Variants in PPP1CC observed in about 807,000 individuals in gnomAD.
PPP1CC encodes the protein serine/threonine-protein phosphatase PP1-gamma catalytic subunit.
A neutral mutation model predicts 38.4 loss-of-function variants in PPP1CC; 16 were observed. The observed-to-expected ratio is 0.42, with a 90% confidence interval of 0.28 to 0.63. PPP1CC has a LOEUF of 0.63. PPP1CC is among the 30% of genes least tolerant of loss of function. The pLI, the probability that PPP1CC is intolerant of heterozygous loss-of-function variation, is 0.25. For synonymous variants in PPP1CC, 158 were observed against 136.0 expected (o/e 1.16, Z -1.13); for missense variants, 170 against 391.3 (o/e 0.43, Z 4.77).
intron 3 of PPP1CC, among the ~76,000 whole-genome samples, chr12:110,728,122 A>G (rs7132651): frequency 0.78 from 118,619 of 152,194 alleles, 46,694 homozygotes; most frequent in African/African-American, 0.87. Flanking sequence ...AGAGCAGGCC[A>G]GGCACGGTGG....
At chr12:110,726,839 G>A (rs2069805207) in intron 3 of PPP1CC, among the ~76,000 whole-genome samples, 1 of 152,130 alleles carries the variant, frequency 6.6e-6, no homozygotes, top group Non-Finnish European at 1.5e-5. Flanking sequence ...CTAGTGCCAA[G>A]CATTCCCGGT....
At chr12:110,735,420 C>T (rs1200570161) in intron 1 of PPP1CC, among the ~76,000 whole-genome samples, 3 of 152,114 alleles carry the variant, frequency 2.0e-5, no homozygotes, top group Non-Finnish European at 2.9e-5. Flanking sequence ...GACACGAGGC[C>T]GCGATGCTAC....
intron 4 of PPP1CC, among the ~76,000 whole-genome samples, chr12:110,724,412 A>G (rs2069772453): frequency 6.6e-6 from 1 of 152,102 alleles, no homozygotes; most frequent in Admixed American, 6.6e-5. Context: ...AATAAAATAA[A>G]AATAAAAATT....
At chr12:110,732,456 A>G (rs544676420) in intron 1 of PPP1CC, 5 of 153,200 alleles carry the variant, frequency 3.3e-5, no homozygotes, top group African/African-American at 9.6e-5. Context: ...AAATACTCAG[A>G]ACCCTCCCCC....
the PPP1CC span, among the ~76,000 whole-genome samples, chr12:110,713,467 T>C: frequency 6.6e-6 from 1 of 152,080 alleles, no homozygotes; most frequent in African/African-American, 2.4e-5. Context: ...ATACTTGGAT[T>C]GAACTTCTTA....
the PPP1CC span, among the ~76,000 whole-genome samples, chr12:110,714,454 C>T: frequency 4.6e-5 from 7 of 151,976 alleles, no homozygotes; most frequent in Non-Finnish European, 8.8e-5. Flanking sequence ...CCATGTGAGT[C>T]TACGATCTGT....
At chr12:110,716,307 T>G (rs1314232619), downstream of PPP1CC, among the ~76,000 whole-genome samples, 3 of 152,176 alleles carry the variant, frequency 2.0e-5, no homozygotes, top group South Asian at 6.2e-4. Context: ...CTTGAACTTA[T>G]GTAGGTAAAA....
chr12:110,728,271 C>A (rs1252987414), intron 3 of PPP1CC, among the ~76,000 whole-genome samples: 3 of 151,488 alleles, frequency 2.0e-5, no homozygotes, highest in Non-Finnish European at 3.0e-5. Context: ...TAGTGGCGGG[C>A]GCCTGTAGTC....
intron 6 of PPP1CC, chr12:110,721,573 A>G (rs904892483): frequency 5.8e-6 from 1 of 171,496 alleles, no homozygotes. Context: ...ATTTTAATTC[A>G]TTTAACTGAT....
At chr12:110,709,190 A>G in the PPP1CC span, among the ~76,000 whole-genome samples, 2 of 152,226 alleles carry the variant, frequency 1.3e-5, no homozygotes, top group Non-Finnish European at 2.9e-5. Context: ...GAATAATCAG[A>G]TAGAACATAA....
chr12:110,709,810 G>C, the PPP1CC span, among the ~76,000 whole-genome samples: 9 of 151,840 alleles, frequency 5.9e-5, no homozygotes, highest in Admixed American at 4.6e-4. Context: ...GCCTCCCAAA[G>C]TGCTGGGATT....
At chr12:110,733,856 T>C (rs1475724814) in intron 1 of PPP1CC, among the ~76,000 whole-genome samples, 1 of 152,234 alleles carries the variant, frequency 6.6e-6, no homozygotes, top group Non-Finnish European at 1.5e-5. Context: ...AGAATGGTGC[T>C]TATGAAAAAC....
chr12:110,719,227 G>A (rs1340965177), downstream of PPP1CC, among the ~76,000 whole-genome samples: 1 of 152,088 alleles, frequency 6.6e-6, no homozygotes, highest in Admixed American at 6.6e-5. Flanking sequence ...TGTGGAGCAG[G>A]CAGGTAATGA....
intron 3 of PPP1CC, among the ~76,000 whole-genome samples, chr12:110,729,714 G>A (rs1261468467): frequency 6.6e-6 from 1 of 152,168 alleles, no homozygotes; most frequent in African/African-American, 2.4e-5. Context: ...TTTACGTATT[G>A]CAAGATTCCA....
chr12:110,717,736 A>T (rs936025950), downstream of PPP1CC, among the ~76,000 whole-genome samples: 1 of 152,148 alleles, frequency 6.6e-6, no homozygotes, highest in Non-Finnish European at 1.5e-5. Flanking sequence ...TGTCTTCTAT[A>T]GACCCAAACA....
chr12:110,729,027 A>G (rs1352769154), intron 3 of PPP1CC, among the ~76,000 whole-genome samples: 3 of 152,164 alleles, frequency 2.0e-5, no homozygotes, highest in African/African-American at 7.2e-5. Context: ...TGATATCCCT[A>G]TAATCATATT....
In PPP1CC at chr12:110,720,776, G is replaced by T; in HGVS notation, c.*300C>A. On this transcript the variant is annotated 3_prime_UTR_variant, in exon 7 of 7. Transcript: ENST00000335007. ...TGTACTGAATTAAAAAAGATCAATTGTACACTTACTCCTCAGACAGGATAA... is the reference window on the plus strand; with the variant it reads ...TGTACTGAATTAAAAAAGATCAATTTTACACTTACTCCTCAGACAGGATAA... 1 of 260,568 alleles carries T rather than the reference G, an allele frequency of 3.8e-6. No individual in the cohort carries two copies. The highest frequency in any genetic ancestry group is 7.4e-6 in the Non-Finnish European group (1 of 135,456). The allele number at this position is 260,568 out of a possible 1,614,324, so 16.1% of individuals were successfully genotyped here. A position where few individuals can be genotyped will look rare whatever the true frequency, so the allele number is the denominator to read the frequency against.
At chr12:110,742,158 C>G (rs537378728) in intron 1 of PPP1CC, among the ~76,000 whole-genome samples, 69 of 152,032 alleles carry the variant, frequency 4.5e-4, no homozygotes, top group Non-Finnish European at 8.4e-4. Context: ...CCCAGAACCA[C>G]GAAAAATAAA....
At chr12:110,719,318 T>C (rs1252134343), downstream of PPP1CC, among the ~76,000 whole-genome samples, 3 of 152,146 alleles carry the variant, frequency 2.0e-5, no homozygotes, top group Non-Finnish European at 4.4e-5. Flanking sequence ...GGGGAGTCCA[T>C]GGCCCTGTGC....
Sources: gnomAD v4.1 joint callset for allele counts (sites outside exome capture counted in the v4.1 genomes callset) on GRCh38, gnomAD v4.1.1 for gene constraint, MANE v1.5 for transcripts, NCBI Gene and HGNC (gene_info 2026-07-23, HGNC 2026-07-21) for gene names.